The following DUSP13A variants were observed in gnomAD, a reference collection of about 807,000 sequenced individuals.
DUSP13A encodes the protein dual specificity protein phosphatase 13A.
chr10:75,108,144 T>C, the DUSP13A span: 612 of 1,613,168 alleles, frequency 3.8e-4, 7 homozygotes, highest in South Asian at 6.4e-3. Context: ...GAGGCCCTTG[T>C]GGGCGGCGTT....
At chr10:75,108,964 T>G in the DUSP13A span, 1 of 1,551,656 alleles carries the variant, frequency 6.4e-7, no homozygotes, top group Admixed American at 1.9e-5. Context: ...AAGAACTGCC[T>G]CTCCACGTCC....
At chr10:75,107,963 G>A in the DUSP13A span, 7 of 1,589,798 alleles carry the variant, frequency 4.4e-6, no homozygotes, top group South Asian at 6.8e-5. Flanking sequence ...TGAGCAAGAT[G>A]GGATATGGGC....
the DUSP13A span, chr10:75,107,903 G>T: frequency 2.1e-6 from 3 of 1,405,106 alleles, no homozygotes; most frequent in Non-Finnish European, 1.9e-6. Flanking sequence ...AAAAAGCAGG[G>T]ATGGGAGGGC....
chr10:75,108,324 A>G, the DUSP13A span: 3 of 1,462,648 alleles, frequency 2.1e-6, no homozygotes, highest in African/African-American at 2.8e-5. Flanking sequence ...AGAGAGTCCA[A>G]CCCCAGCAAG....
chr10:75,108,283 G>A, the DUSP13A span: 1 of 1,517,362 alleles, frequency 6.6e-7, no homozygotes, highest in Non-Finnish European at 8.8e-7. Flanking sequence ...CTGGCCCCCT[G>A]CTGCAGAGGG....
the DUSP13A span, chr10:75,105,970 C>G: frequency 9.3e-7 from 1 of 1,074,042 alleles, no homozygotes; most frequent in African/African-American, 1.6e-5. Context: ...CTTGGGTGCA[C>G]TCTGTGATCC....
the DUSP13A span, chr10:75,108,135 A>C: frequency 6.2e-7 from 1 of 1,613,544 alleles, no homozygotes; most frequent in Non-Finnish European, 8.5e-7. Flanking sequence ...CTGACAGTAG[A>C]GGCCCTTGTG....
At chr10:75,107,667 C>G in the DUSP13A span, among the ~76,000 whole-genome samples, 1 of 152,110 alleles carries the variant, frequency 6.6e-6, no homozygotes, top group Non-Finnish European at 1.5e-5. Context: ...ACCTCCGCCC[C>G]CCATGTTCAA....
the DUSP13A span, chr10:75,109,125 TC>T: frequency 1.2e-6 from 2 of 1,605,262 alleles, no homozygotes; most frequent in South Asian, 1.1e-5. Context: ...CTTTGTCCTC[TC>T]CCCCCAGCTC....
the DUSP13A span, chr10:75,105,733 T>A: frequency 1.3e-6 from 2 of 1,554,500 alleles, no homozygotes; most frequent in Non-Finnish European, 1.7e-6. Context: ...GAAGCCTCGG[T>A]TGGGGAAGAC....
the DUSP13A span, chr10:75,108,254 A>C: frequency 2.6e-6 from 4 of 1,549,788 alleles, no homozygotes; most frequent in Non-Finnish European, 3.5e-6. Flanking sequence ...AAGCCATGGG[A>C]CCAGGAGGGA....
chr10:75,108,674 A>G, the DUSP13A span, among the ~76,000 whole-genome samples: 1 of 152,232 alleles, frequency 6.6e-6, no homozygotes, highest in Non-Finnish European at 1.5e-5. Flanking sequence ...GGCTGGGCCC[A>G]GAAACAGGGG....
chr10:75,107,976 G>C, the DUSP13A span: 1 of 1,603,036 alleles, frequency 6.2e-7, no homozygotes, highest in Non-Finnish European at 8.5e-7. Context: ...ATATGGGCTT[G>C]GACCCCAAGT....
the DUSP13A span, chr10:75,107,969 T>C: frequency 9.4e-6 from 15 of 1,596,876 alleles, no homozygotes; most frequent in African/African-American, 2.7e-5. Flanking sequence ...AGATGGGATA[T>C]GGGCTTGGAC....
chr10:75,106,096 CTTT>C, the DUSP13A span, among the ~76,000 whole-genome samples: 1 of 109,040 alleles, frequency 9.2e-6, no homozygotes, highest in Non-Finnish European at 1.8e-5. Context: ...TCTTTTCTTT[CTTT>C]TCTTTTTTTT....
the DUSP13A span, chr10:75,105,941 G>A: frequency 9.6e-5 from 136 of 1,422,666 alleles, no homozygotes; most frequent in African/African-American, 1.8e-3. Context: ...GGGGACCCAA[G>A]TTCCTTTCCT....
the DUSP13A span, chr10:75,107,986 TC>T: frequency 3.1e-6 from 5 of 1,609,060 alleles, no homozygotes; most frequent in East Asian, 1.1e-4. Flanking sequence ...GGACCCCAAG[TC>T]CTACCCCCAG....
chr10:75,109,053 G>A, the DUSP13A span: 1 of 1,611,844 alleles, frequency 6.2e-7, no homozygotes, highest in Middle Eastern at 1.7e-4. Flanking sequence ...CCACACGGCT[G>A]CAAGAAGACT....
chr10:75,108,105 C>T, the DUSP13A span: 2 of 1,613,848 alleles, frequency 1.2e-6, no homozygotes, highest in Non-Finnish European at 1.7e-6. Flanking sequence ...CACACTGCTG[C>T]CGTAGAAGTC....
Sources: gnomAD v4.1 joint callset for allele counts (sites outside exome capture counted in the v4.1 genomes callset) on GRCh38, gnomAD v4.1.1 for gene constraint, MANE v1.5 for transcripts, NCBI Gene and HGNC (gene_info 2026-07-23, HGNC 2026-07-21) for gene names.